Variants in SEMA6D observed in about 807,000 individuals in gnomAD.
The protein encoded by SEMA6D is semaphorin 6D.
A neutral mutation model predicts 106.6 loss-of-function variants in SEMA6D; 35 were observed. That is an observed-to-expected ratio of 0.33 (90% confidence interval 0.25 to 0.44). SEMA6D has a LOEUF of 0.44. SEMA6D is among the 20% of genes least tolerant of loss of function. The probability of loss-of-function intolerance (pLI) is 1.00; values close to 1 mark genes in which losing one functional copy is unlikely to be tolerated. For synonymous variants in SEMA6D, 499 were observed against 487.7 expected (o/e 1.02, Z -0.31); for missense variants, 1,185 against 1,345.9 (o/e 0.88, Z 1.87).
chr15:47,282,999 C>G lies in SEMA6D; in HGVS notation c.-239+98581C>G, dbSNP rs567844476. On this transcript the variant is annotated intron_variant, in intron 1 of 19. Coordinates refer to the SEMA6D transcript ENST00000558014. Reference sequence around the variant, plus strand: ...CTCTCCTATCTTCCCTGTTTTTTCACTATGATTTCCTGATGTTGAGCTTAA... The same window carrying G: ...CTCTCCTATCTTCCCTGTTTTTTCAGTATGATTTCCTGATGTTGAGCTTAA... Among the ~76,000 whole-genome samples the G allele has an allele frequency of 3.9e-5, 6 of 152,214 alleles. No individual in the cohort carries two copies. The East Asian group carries it at 1.2e-3, about 29-fold the overall frequency.
intron 3 of SEMA6D, among the ~76,000 whole-genome samples, chr15:47,509,659 A>G (rs1340460110): frequency 5.9e-5 from 9 of 152,220 alleles, no homozygotes; most frequent in African/African-American, 2.2e-4. Flanking sequence ...TTTACTTGGC[A>G]GTGTCCTCTT....
chr15:47,344,534 G>T (rs560122212), intron 1 of SEMA6D, among the ~76,000 whole-genome samples: 3 of 152,122 alleles, frequency 2.0e-5, no homozygotes, highest in Admixed American at 2.0e-4. Flanking sequence ...GAAGATCATG[G>T]TATGCTCCCT....
At chr15:47,765,326 T>C (rs2082280121) in intron 13 of SEMA6D, 13 of 1,224,512 alleles carry the variant, frequency 1.1e-5, no homozygotes, top group Non-Finnish European at 1.3e-5. Context: ...ACCTCTCTTA[T>C]CTTGCAGATA....
chr15:47,213,137 AATTAC>A (rs901300035), intron 1 of SEMA6D, among the ~76,000 whole-genome samples: 1 of 152,152 alleles, frequency 6.6e-6, no homozygotes, highest in Non-Finnish European at 1.5e-5. Flanking sequence ...ACTTAAACAG[AATTAC>A]ATTACATTTA....
At chr15:47,401,310 T>C (rs2040390912) in intron 1 of SEMA6D, among the ~76,000 whole-genome samples, 1 of 152,226 alleles carries the variant, frequency 6.6e-6, no homozygotes, top group South Asian at 2.1e-4. Flanking sequence ...TTTGAATGTT[T>C]GACGTGTGCC....
At chr15:47,316,541 T>TG (rs113596885) in intron 1 of SEMA6D, among the ~76,000 whole-genome samples, 4,422 of 151,174 alleles carry the variant, frequency 0.029, 216 homozygotes, top group African/African-American at 0.1. Context: ...AGGATTTTTT[T>TG]GGGGGGGGTT....
intron 4 of SEMA6D, among the ~76,000 whole-genome samples, chr15:47,701,736 C>T (rs1296663764): frequency 6.6e-6 from 1 of 152,170 alleles, no homozygotes; most frequent in East Asian, 1.9e-4. Context: ...AAAATTTCCT[C>T]ATATGGTATT....
intron 3 of SEMA6D, among the ~76,000 whole-genome samples, chr15:47,482,747 G>A (rs1327238082): frequency 6.6e-6 from 1 of 152,014 alleles, no homozygotes; most frequent in African/African-American, 2.4e-5. Context: ...AGAAAAATGT[G>A]GGAGGATTTC....
intron 4 of SEMA6D, among the ~76,000 whole-genome samples, chr15:47,601,926 G>C (rs1021852252): frequency 2.6e-5 from 4 of 152,102 alleles, no homozygotes; most frequent in Non-Finnish European, 5.9e-5. Flanking sequence ...ATTATGTATT[G>C]TATGCTTTTT....
At chr15:47,391,896 C>T (rs150560805) in intron 1 of SEMA6D, among the ~76,000 whole-genome samples, 119 of 152,196 alleles carry the variant, frequency 7.8e-4, no homozygotes, top group African/African-American at 2.8e-3. Flanking sequence ...ACCTCTGTTC[C>T]CTCAATATCT....
intron 1 of SEMA6D, among the ~76,000 whole-genome samples, chr15:47,210,465 T>A (rs74316642): frequency 9.2e-5 from 14 of 152,016 alleles, no homozygotes; most frequent in African/African-American, 3.4e-4. Context: ...ATTTTTTTTT[T>A]AAGACATCTA....
At chr15:47,446,433 A>T (rs949767099) in intron 2 of SEMA6D, among the ~76,000 whole-genome samples, 1 of 152,154 alleles carries the variant, frequency 6.6e-6, no homozygotes, top group Non-Finnish European at 1.5e-5. Context: ...GTATGCATAC[A>T]CTATATAGAG....
At chr15:47,227,908 CTT>C (rs1284124419) in intron 1 of SEMA6D, among the ~76,000 whole-genome samples, 5 of 137,430 alleles carry the variant, frequency 3.6e-5, no homozygotes, top group South Asian at 2.3e-4. Context: ...ATATAAGAAT[CTT>C]ATATATATTT....
rs202149880 is a variant in SEMA6D, at chr15:47,764,698, G to A, written c.1158G>A (p.Pro386=). The A allele has an allele frequency of 5.3e-5, 86 of 1,614,028 alleles. No individual in the cohort carries two copies. Among genetic ancestry groups the A allele is most frequent in the South Asian group, 1.3e-4 (12 of 91,080 alleles). The change falls in exon 12 of 19, where the codon CCG becomes CCA. Residue 386 remains proline (P), a synonymous_variant. Coordinates refer to ENST00000536845, the MANE Select transcript of SEMA6D (RefSeq NM_001358351.3). ...CTTATAAAACCTCCATCGATTTCCC[G>A]GATGAAACTCTGTCATTCATCAAAT... ...AEAYKTSIDF[P]DETLSFIKSH... is the part of the protein sequence containing the mutation.
intron 3 of SEMA6D, among the ~76,000 whole-genome samples, chr15:47,552,853 A>AATATATATATTTTATATATATAT (rs2045773487): frequency 1.5e-5 from 1 of 66,898 alleles, no homozygotes; most frequent in African/African-American, 1.3e-4. Context: ...AATATATATA[A>AATATATATATTTTATATATATAT]ATATATATAT....
chr15:47,660,145 CAA>C (rs1444130459), intron 4 of SEMA6D, among the ~76,000 whole-genome samples: 1 of 150,022 alleles, frequency 6.7e-6, no homozygotes, highest in African/African-American at 2.5e-5. Flanking sequence ...AATAGGCAAT[CAA>C]AAGTGTCTGC....
chr15:47,615,657 G>C (rs1334205820), intron 4 of SEMA6D, among the ~76,000 whole-genome samples: 1 of 152,190 alleles, frequency 6.6e-6, no homozygotes, highest in Non-Finnish European at 1.5e-5. Flanking sequence ...TATTTGAATA[G>C]TTGGCTTCGG....
intron 2 of SEMA6D, among the ~76,000 whole-genome samples, chr15:47,463,656 A>G (rs1294141929): frequency 6.6e-6 from 1 of 152,138 alleles, no homozygotes; most frequent in Non-Finnish European, 1.5e-5. Flanking sequence ...TAGATCTGAA[A>G]CATGTCTTTT....
At chr15:47,510,864 C>T (rs772845188) in intron 3 of SEMA6D, among the ~76,000 whole-genome samples, 2 of 152,170 alleles carry the variant, frequency 1.3e-5, no homozygotes, top group Non-Finnish European at 2.9e-5. Flanking sequence ...CCTTCAACAC[C>T]ACCTTCCATA....
Sources: gnomAD v4.1 joint callset for allele counts (sites outside exome capture counted in the v4.1 genomes callset) on GRCh38, gnomAD v4.1.1 for gene constraint, MANE v1.5 for transcripts, NCBI Gene and HGNC (gene_info 2026-07-23, HGNC 2026-07-21) for gene names.